CACNG8: variants seen among roughly 807,000 people sequenced by gnomAD.
CACNG8 encodes the protein calcium voltage-gated channel auxiliary subunit gamma 8.
CACNG8 carries 5 observed loss-of-function variants against 26.9 expected under a neutral mutation model. That is an observed-to-expected ratio of 0.19 (90% CI 0.10 to 0.39). The LOEUF (loss-of-function observed/expected upper bound fraction) is 0.39. CACNG8 is among the 10% of genes least tolerant of loss of function. The probability of loss-of-function intolerance (pLI) is 1.00; values close to 1 mark genes in which losing one functional copy is unlikely to be tolerated. For synonymous variants in CACNG8, 321 were observed against 296.7 expected, an observed-to-expected ratio of 1.08 and a Z score of -0.84; for missense variants, 473 against 609.4, an observed-to-expected ratio of 0.78 and a Z score of 2.36.
intron 3 of CACNG8, 23 bp downstream of exon 3, chr19:53,980,030 G>T (rs766030665): frequency 1.3e-6 from 2 of 1,586,982 alleles, no homozygotes; most frequent in South Asian, 2.3e-5. Flanking sequence ...GGGAGGGGGC[G>T]ACCGGGGCGG....
chr19:53,967,623 T>C (rs145055899), intron 1 of CACNG8, among the ~76,000 whole-genome samples: 2,298 of 151,496 alleles, frequency 0.015, 64 homozygotes, highest in African/African-American at 0.053. Context: ...TCACCTGAGG[T>C]CAGGAGTTCA....
chr19:53,972,587 C>G (rs995969494), intron 1 of CACNG8, among the ~76,000 whole-genome samples: 2 of 151,722 alleles, frequency 1.3e-5, no homozygotes, highest in African/African-American at 4.8e-5. Context: ...GTCTCGAACT[C>G]CTGACCTCAG....
At chr19:53,968,380 A>C (rs2069282976) in intron 1 of CACNG8, among the ~76,000 whole-genome samples, 1 of 151,968 alleles carries the variant, frequency 6.6e-6, no homozygotes, top group South Asian at 2.1e-4. Flanking sequence ...ATCTCAAAAA[A>C]AACAAAAAAA....
At chr19:53,970,714 C>T (rs113960974) in intron 1 of CACNG8, among the ~76,000 whole-genome samples, 8,813 of 151,896 alleles carry the variant, frequency 0.058, 275 homozygotes, top group South Asian at 0.064. Context: ...GAGAGGATTG[C>T]TTGAGTCCAG....
intron 1 of CACNG8, among the ~76,000 whole-genome samples, chr19:53,976,059 G>A (rs2069328804): frequency 6.6e-6 from 1 of 152,226 alleles, no homozygotes; most frequent in African/African-American, 2.4e-5. Flanking sequence ...TAAGGAAGTG[G>A]TGGAGGCCAG....
chr19:53,966,711 T>A (rs1383345449), intron 1 of CACNG8, among the ~76,000 whole-genome samples: 37 of 152,160 alleles, frequency 2.4e-4, no homozygotes, highest in Non-Finnish European at 1.9e-4. Context: ...TTCTTATACA[T>A]CCCAGAAAGC....
intron 3 of CACNG8, 76 bp downstream of exon 3, chr19:53,980,083 TGTGCGC>T (rs1568801705): frequency 3.3e-6 from 4 of 1,227,572 alleles, no homozygotes; most frequent in Non-Finnish European, 4.3e-6. Flanking sequence ...TGTGTGTGTG[TGTGCGC>T]GCGCGCGCGT....
chr19:53,977,413 G>A (rs117221621), intron 1 of CACNG8, among the ~76,000 whole-genome samples: 2,097 of 152,268 alleles, frequency 0.014, 23 homozygotes, highest in Non-Finnish European at 0.019. Flanking sequence ...AACATTAACT[G>A]TTCCCAAGGA....
rs1337358409 is a variant in CACNG8, at chr19:53,989,776, C to A, written c.*6927C>A. The A allele has an allele frequency of 6.6e-6, 1 of 152,456 alleles. No homozygotes were observed. Among genetic ancestry groups the A allele is most frequent in the African/African-American group, 2.4e-5 (1 of 41,466 alleles). 9.4% of individuals were successfully genotyped at this position (152,456 alleles called of 1,614,324 possible). ...ATCCATTCATTCAAGTCACCCCATG[C>A]ACATTTTCCAAGACTGCCTGTGACC... On this transcript the variant is annotated 3_prime_UTR_variant, in exon 4 of 4. Transcript: ENST00000270458.
At chr19:53,972,152 G>A (rs1320696429) in intron 1 of CACNG8, among the ~76,000 whole-genome samples, 4 of 151,720 alleles carry the variant, frequency 2.6e-5, no homozygotes, top group Non-Finnish European at 5.9e-5. Flanking sequence ...CCATCACCAC[G>A]CTGGGCTACT....
intron 1 of CACNG8, among the ~76,000 whole-genome samples, chr19:53,963,764 C>A (rs1049310596): frequency 9.9e-5 from 15 of 151,874 alleles, no homozygotes; most frequent in African/African-American, 3.6e-4. Context: ...CCTGGGGCTC[C>A]TCCTGTTTCA....
chr19:53,981,181 G>A lies in CACNG8; in HGVS notation c.509-899G>A, dbSNP rs184773095. 1.8e-4 allele frequency among the ~76,000 whole-genome samples: 27 copies of A among 152,302 alleles called. No individual in the cohort carries two copies. In the East Asian group the frequency reaches 5.2e-3, roughly 29 times the overall value. ...ATGAAGAGAGATTAGATAAGTGAAA[G>A]GCAGGGCCTGATCACAGCAGGATGA... On this transcript the variant is annotated intron_variant, in intron 3 of 3. Transcript: ENST00000270458.
chr19:53,975,379 T>C (rs140107350), intron 1 of CACNG8, among the ~76,000 whole-genome samples: 1 of 149,956 alleles, frequency 6.7e-6, no homozygotes, highest in African/African-American at 2.5e-5. Context: ...CATTCAATCA[T>C]TCTTTTTTTT....
At position 53,971,852 on chromosome 19, in the gene CACNG8, T is replaced by C. The variant is rs552180134; in HGVS notation, c.284-6294T>C. On this transcript the variant is annotated intron_variant, in intron 1 of 3. Transcript: ENST00000270458. ...TCCGCACTGCAAGAAAGCTGCCCCTTAACCCTTGCATGCCCGGGTCTGCGC... is the reference window on the plus strand; with the variant it reads ...TCCGCACTGCAAGAAAGCTGCCCCTCAACCCTTGCATGCCCGGGTCTGCGC... Among the ~76,000 whole-genome samples, 3 of 152,292 alleles carry C rather than the reference T, an allele frequency of 2.0e-5. No homozygotes were observed. In the South Asian group the frequency reaches 6.2e-4, roughly 32 times the overall value.
chr19:53,971,335 AAAAT>A (rs955071677), intron 1 of CACNG8, among the ~76,000 whole-genome samples: 2 of 152,158 alleles, frequency 1.3e-5, no homozygotes, highest in African/African-American at 2.4e-5. Context: ...TAGCTACATT[AAAAT>A]AAATAAAAAG....
chr19:53,978,318 G>A, intron 2 of CACNG8, 89 bp downstream of exon 2: 1 of 968,580 alleles, frequency 1.0e-6, no homozygotes, highest in Admixed American at 2.1e-5. Flanking sequence ...AAGGCACTGG[G>A]ACTCCGGCAC....
chr19:53,977,201 C>T (rs576439403), intron 1 of CACNG8, among the ~76,000 whole-genome samples: 2 of 152,108 alleles, frequency 1.3e-5, no homozygotes, highest in South Asian at 2.1e-4. Context: ...CTGTGTGTGT[C>T]TAGGGAAAGC....
In CACNG8 at chr19:53,979,847, CT is replaced by C; in HGVS notation, c.368-17del. 6.3e-7 allele frequency: 1 copy of C among 1,582,776 alleles called. No homozygotes were observed. Among genetic ancestry groups the C allele is most frequent in the Non-Finnish European group, 8.6e-7 (1 of 1,162,394 alleles). On this transcript the variant is annotated intron_variant, in intron 2 of 3. Transcript: ENST00000270458. ...ACCGCCCTCGCTCTCCCTCCTTTTC[CT>C]TTCCTTCCTCCCCCGCAGGAGTTGT...
chr19:53,977,368 A>G (rs2069335788), intron 1 of CACNG8, among the ~76,000 whole-genome samples: 1 of 152,144 alleles, frequency 6.6e-6, no homozygotes, highest in African/African-American at 2.4e-5. Flanking sequence ...TTATATTTTT[A>G]ATTTTTTTCT....
Sources: gnomAD v4.1 joint callset for allele counts (sites outside exome capture counted in the v4.1 genomes callset) on GRCh38, gnomAD v4.1.1 for gene constraint, MANE v1.5 for transcripts, NCBI Gene and HGNC (gene_info 2026-07-23, HGNC 2026-07-21) for gene names.